The following ZNF483 variants were observed in gnomAD, a reference collection of about 807,000 sequenced individuals.
The protein encoded by ZNF483 is zinc finger protein 483, also known as zinc finger protein HIT-10.
In ZNF483, 9 loss-of-function variants were observed where a neutral mutation model predicts 28.6. That is an observed-to-expected ratio of 0.32 (90% confidence interval 0.19 to 0.55). The LOEUF is 0.55. Among genes scored for constraint, ZNF483 ranks in the 20% least tolerant of loss-of-function variants. The pLI, the probability that ZNF483 is intolerant of heterozygous loss-of-function variation, is 0.93. For synonymous variants in ZNF483, 322 were observed against 306.2 expected, an observed-to-expected ratio of 1.05 and a Z score of -0.54; for missense variants, 675 against 871.7, an observed-to-expected ratio of 0.77 and a Z score of 2.84.
intron 5 of ZNF483, among the ~76,000 whole-genome samples, chr9:111,566,476 T>C (rs747212851): frequency 2.6e-5 from 4 of 152,192 alleles, no homozygotes; most frequent in African/African-American, 4.8e-5. Context: ...GAAATGATCA[T>C]TGGCCAGGGA....
rs1005065173 is a variant in ZNF483 at position 111,532,824 on chromosome 9, G to A, written c.502-915G>A. ...CTTGAGAGGCTGAGGCATGAGAATC[G>A]CTTGAACCCAGGAGGTGGAGGTTGC... On this transcript the variant is annotated intron_variant, in intron 3 of 5. Transcript: ENST00000309235. Among the ~76,000 whole-genome samples, 6 of 151,736 alleles carry A rather than the reference G, an allele frequency of 4.0e-5. 1 individual carries two copies. Among genetic ancestry groups the A allele is most frequent in the Admixed American group, 2.6e-4 (4 of 15,226 alleles).
At chr9:111,566,683 T>G (rs73656266) in intron 5 of ZNF483, among the ~76,000 whole-genome samples, 2,471 of 152,304 alleles carry the variant, frequency 0.016, 69 homozygotes, top group African/African-American at 0.056. Context: ...ATTCATTTAT[T>G]CAGCAATATT....
intron 5 of ZNF483, chr9:111,539,458 G>A (rs1827613629): frequency 2.2e-6 from 1 of 455,686 alleles, no homozygotes; most frequent in Admixed American, 2.4e-5. Context: ...AGTGTGATTT[G>A]ATAAAGGTTC....
At chr9:111,560,972 T>TAG (rs1564607799) in intron 5 of ZNF483, among the ~76,000 whole-genome samples, 2 of 21,320 alleles carry the variant, frequency 9.4e-5, no homozygotes, top group Non-Finnish European at 1.7e-4. Flanking sequence ...TATATATATA[T>TAG]ATAGAGAGAG....
rs745322279 is a variant in ZNF483 at position 111,564,394 on chromosome 9, C to G, written c.722-11971C>G. 8.1e-5 allele frequency: 21 copies of G among 259,380 alleles called. 1 individual carries two copies. The highest frequency in any genetic ancestry group is 1.4e-4 in the Non-Finnish European group (21 of 153,412). 16.1% of individuals were successfully genotyped at this position (259,380 alleles called of 1,614,324 possible). On this transcript the variant is annotated intron_variant, in intron 5 of 5. Coordinates refer to the ZNF483 transcript ENST00000358151. ...AATCATAGCTCACTGCAGTCTCAAC[C>G]TCCTGGGCTCCAGTGATCCTTCTGC... is the stretch of plus-strand genomic sequence containing the variant.
At chr9:111,562,843 A>T in intron 5 of ZNF483, 2 of 778,390 alleles carry the variant, frequency 2.6e-6, no homozygotes, top group Non-Finnish European at 3.5e-6. Flanking sequence ...ATGAAAACAT[A>T]CAGTGTTTGG....
At chr9:111,559,253 C>T (rs115433209), downstream of ZNF483, among the ~76,000 whole-genome samples, 2 of 152,126 alleles carry the variant, frequency 1.3e-5, no homozygotes, top group East Asian at 1.9e-4. Flanking sequence ...CACCCCTTCA[C>T]GTGCACACCT....
At position 111,534,378 on chromosome 9, in the gene ZNF483, G is replaced by T. The variant is rs778367866; in HGVS notation, c.721+25G>T. ...GGTGAGTTGGTGAAAAATACACAAC[G>T]AAATTAAAGCAGTTGTTTAGCAAGT... On this transcript the variant is annotated intron_variant, in intron 5 of 5. Transcript: ENST00000309235. 3.2e-6 allele frequency: 5 copies of T among 1,584,086 alleles called. No individual in the cohort carries two copies. The East Asian group carries it at 1.1e-4, about 35-fold the overall frequency.
Position 111,551,254 on chromosome 9 carries a change from A to C in ZNF483, c.*8084A>C, listed in dbSNP as rs778930409. ...TATGTAATGTGTTAATCTACACACA[A>C]AATTTTCATTTGTAATACATAACTC... On this transcript the variant is annotated 3_prime_UTR_variant, in exon 6 of 6. Coordinates refer to ENST00000309235, the MANE Select transcript of ZNF483 (RefSeq NM_133464.5). Among the ~76,000 whole-genome samples the C allele has an allele frequency of 2.0e-5, 3 of 152,210 alleles. No individual in the cohort carries two copies. The highest frequency in any genetic ancestry group is 7.2e-5 in the African/African-American group (3 of 41,450).
At chr9:111,528,365 A>T (rs1189624236) in intron 2 of ZNF483, among the ~76,000 whole-genome samples, 2 of 152,258 alleles carry the variant, frequency 1.3e-5, no homozygotes, top group Non-Finnish European at 2.9e-5. Flanking sequence ...ACTATTTTAT[A>T]GTGCAGTTCC....
intron 5 of ZNF483, among the ~76,000 whole-genome samples, chr9:111,564,966 A>T (rs1828489357): frequency 6.6e-6 from 1 of 151,972 alleles, no homozygotes; most frequent in Admixed American, 6.5e-5. Flanking sequence ...TCTACTAAAA[A>T]TACGAAAATT....
rs907390921 is a variant in ZNF483, at chr9:111,549,336, G to A, written c.*6166G>A. On this transcript the variant is annotated 3_prime_UTR_variant, in exon 6 of 6. Transcript: ENST00000309235. ...CATTTTAGGGTTTCTCCCTTGTGTG[G>A]AAATGTTAGTGTCTATAAAGGTCTG... is the stretch of plus-strand genomic sequence containing the variant. Among the ~76,000 whole-genome samples the A allele has an allele frequency of 1.3e-5, 2 of 152,236 alleles. No homozygotes were observed. The highest frequency in any genetic ancestry group is 1.9e-4 in the East Asian group (1 of 5,180).
rs1467500743 is a variant in ZNF483, at chr9:111,552,420, G to A, written c.*9250G>A. Among the ~76,000 whole-genome samples the A allele has an allele frequency of 6.6e-6, 1 of 152,158 alleles. No homozygotes were observed. The highest frequency in any genetic ancestry group is 6.5e-5 in the Admixed American group (1 of 15,276). On this transcript the variant is annotated 3_prime_UTR_variant, in exon 6 of 6. Coordinates refer to ENST00000309235, the MANE Select transcript of ZNF483 (RefSeq NM_133464.5). ...AGAAAATTGAACACAAATATTTTCA[G>A]TATGTATCATGCAATAGAATAGAGC...
In ZNF483 at chr9:111,544,141, A is replaced by C; in HGVS notation, c.*971A>C. On this transcript the variant is annotated 3_prime_UTR_variant, in exon 6 of 6. Transcript: ENST00000309235. Reference sequence around the variant, plus strand: ...TTGCACCTGAGCCATCTCAGCCGTGAGAGTAACAGTCCTAGGAAAATAGAT... The same window carrying C: ...TTGCACCTGAGCCATCTCAGCCGTGCGAGTAACAGTCCTAGGAAAATAGAT... 3.0e-6 allele frequency: 3 copies of C among 985,428 alleles called. No homozygotes were observed. The highest frequency in any genetic ancestry group is 3.6e-6 in the Non-Finnish European group (3 of 829,964). 61.0% of individuals were successfully genotyped at this position (985,428 alleles called of 1,614,324 possible).
At chr9:111,533,509 T>A (rs1827400959) in intron 3 of ZNF483, among the ~76,000 whole-genome samples, 3 of 151,928 alleles carry the variant, frequency 2.0e-5, no homozygotes, top group Admixed American at 6.6e-5. Context: ...AGTGAGACAA[T>A]GCCTCTACAA....
rs368349030 is a variant in ZNF483, at chr9:111,527,857, C to T, written c.412+50C>T. On this transcript the variant is annotated intron_variant, in intron 2 of 5. Coordinates refer to ENST00000309235, the MANE Select transcript of ZNF483 (RefSeq NM_133464.5). ...AAGCGGGAGACATTGCCTCAAAGTC[C>T]GAAAGTAAATTCCTCAAAAGAAGGC... 53 of 1,613,722 alleles carry T rather than the reference C, an allele frequency of 3.3e-5. No homozygotes were observed. In the Middle Eastern group the frequency reaches 4.9e-4, roughly 15 times the overall value.
chr9:111,534,969 T>C (rs1011314120), intron 5 of ZNF483, among the ~76,000 whole-genome samples: 48 of 152,056 alleles, frequency 3.2e-4, no homozygotes, highest in Admixed American at 7.9e-4. Context: ...GTGATCGGCC[T>C]GCCTCGGCCT....
chr9:111,556,751 CCT>C (rs1828136195), downstream of ZNF483, among the ~76,000 whole-genome samples: 1 of 152,202 alleles, frequency 6.6e-6, no homozygotes, highest in Non-Finnish European at 1.5e-5. Context: ...AGCATTTCCC[CCT>C]TTTTGCTCTC....
chr9:111,543,027 G>A lies in ZNF483; in HGVS notation c.2092G>A (p.Ala698Thr), dbSNP rs1377957362. Residue 698 changes from alanine to threonine, a missense_variant, in exon 6 of 6, where the codon GCA becomes ACA. Physicochemically the swap from Ala to Thr is moderately conservative, Grantham distance 58. This residue lies in a region of ZNF483 where 55 missense variants were observed against 72.4 expected (regional missense o/e 0.76). Transcript: ENST00000309235. ...ACCCTATGAGTGTAACTATTGTGGTGCAACCTTTAGTCGAAGCTCAATCCT... is the reference window on the plus strand; with the variant it reads ...ACCCTATGAGTGTAACTATTGTGGTACAACCTTTAGTCGAAGCTCAATCCT... ...EKPYECNYCG[A>T]TFSRSSILVE... The A allele has an allele frequency of 6.2e-7, 1 of 1,614,160 alleles. No homozygotes were observed. The highest frequency in any genetic ancestry group is 8.5e-7 in the Non-Finnish European group (1 of 1,180,018).
Sources: gnomAD v4.1 joint callset for allele counts (sites outside exome capture counted in the v4.1 genomes callset) on GRCh38, gnomAD v4.1.1 for gene constraint, gnomAD v4.1.1 regional missense constraint, MANE v1.5 for transcripts, NCBI Gene and HGNC (gene_info 2026-07-23, HGNC 2026-07-21) for gene names.